WFIKKN1: variants seen among roughly 807,000 people sequenced by gnomAD.
WFIKKN1 encodes WAP, Kazal, immunoglobulin, Kunitz and NTR domain-containing protein 1.
Under a neutral mutation model 4.6 loss-of-function variants are expected in WFIKKN1, and 6 were observed. The observed-to-expected ratio is 1.31, with a 90% CI of 0.72 to 2.59. The LOEUF (loss-of-function observed/expected upper bound fraction) is 2.59. Ranked by LOEUF, WFIKKN1 falls within the 30% of genes most tolerant of loss-of-function variation. The pLI, the probability that WFIKKN1 is intolerant of heterozygous loss-of-function variation, is 0.00. For missense variants in WFIKKN1, 964 were observed against 818.0 expected (o/e 1.18, Z -2.18); for synonymous variants, 468 against 367.4 (o/e 1.27, Z -3.13).
Position 632,935 on chromosome 16 carries a change from C to A in WFIKKN1, c.525C>A (p.Ala175=). The A allele has an allele frequency of 3.9e-6, 6 of 1,558,066 alleles. No homozygotes were observed. The highest frequency in any genetic ancestry group is 4.3e-6 in the Non-Finnish European group (5 of 1,151,920). ...PSSPGPPETT[A]RPTPGAAPVP... ...GCCCGGGGCCGCCGGAGACCACTGC[C>A]CGCCCCACACCTGGGGCCGCGCCCG... Residue 175 remains alanine (A), a synonymous_variant, in exon 2 of 2, where the codon GCC becomes GCA. Coordinates refer to ENST00000319070, the MANE Select transcript of WFIKKN1 (RefSeq NM_053284.3).
At position 633,052 on chromosome 16, in the gene WFIKKN1, G is replaced by A. The variant is rs1477781150; in HGVS notation, c.642G>A (p.Pro214=). 6.8e-6 allele frequency: 11 copies of A among 1,611,858 alleles called. No homozygotes were observed. The highest frequency in any genetic ancestry group is 1.7e-5 in the Admixed American group (1 of 59,980). The change falls in exon 2 of 2, where the codon CCG becomes CCA. Residue 214 remains proline, a synonymous_variant. Coordinates refer to ENST00000319070, the MANE Select transcript of WFIKKN1 (RefSeq NM_053284.3). ...ACTGCGACGTCAGCGGCCGCCCGCC[G>A]CCTGCTGTGACCTGGGAGAAGCAGA... ...SLHCDVSGRP[P]PAVTWEKQSH... is the part of the protein sequence containing the mutation.
intron 1 of WFIKKN1, chr16:631,696 C>T (rs2036950902): frequency 3.3e-6 from 1 of 301,776 alleles, no homozygotes; most frequent in Admixed American, 5.3e-5. Context: ...CCTCTCCTCC[C>T]ACCCTCTCCT....
Position 633,165 on chromosome 16 carries a change from A to ACG in WFIKKN1, c.760_761dup (p.Pro255GlyfsTer74), listed in dbSNP as rs1368230743. The ACG allele has an allele frequency of 6.3e-7, 1 of 1,599,540 alleles. No homozygotes were observed. Among genetic ancestry groups the ACG allele is most frequent in the Non-Finnish European group, 8.5e-7 (1 of 1,171,198 alleles). On this transcript the variant is annotated frameshift_variant, in exon 2 of 2. Transcript: ENST00000319070. LOFTEE classifies it low-confidence loss of function (END_TRUNC). ...AGCATCGGGCAGCTGGTGCTCTACAACGCGCGGCCCGAAGACGCCGGCCTG... is the reference window on the plus strand; with the variant it reads ...AGCATCGGGCAGCTGGTGCTCTACAACGCGCGCGGCCCGAAGACGCCGGCCTG...
Position 633,565 on chromosome 16 carries a change from T to A in WFIKKN1, c.1155T>A (p.His385Gln). 1 of 1,556,160 alleles carries A rather than the reference T, an allele frequency of 6.4e-7. No homozygotes were observed. Among genetic ancestry groups the A allele is most frequent in the Non-Finnish European group, 8.6e-7 (1 of 1,159,102 alleles). The change falls in exon 2 of 2, where the codon CAT (histidine) becomes CAA (glutamine). Residue 385 changes from histidine to glutamine, a missense_variant. Coordinates refer to ENST00000319070, the MANE Select transcript of WFIKKN1 (RefSeq NM_053284.3). ...WAYSPLLQQC[H>Q]PFVYGGCEGN... ...ACAGCCCGCTGCTGCAGCAGTGCCATCCCTTCGTGTACGGTGGCTGCGAGG... is the reference window on the plus strand; with the variant it reads ...ACAGCCCGCTGCTGCAGCAGTGCCAACCCTTCGTGTACGGTGGCTGCGAGG...
rs138836137 is a variant in WFIKKN1 at position 631,414 on chromosome 16, G to T, written c.161G>T (p.Ser54Ile). ...CAGAGCACCTGTGAGCGCGAGTGTA[G>T]CAGGGACCAGGTGAGTGTGGTCGGG... ...DAQSTCEREC[S>I]RDQDCAAAEK... The change falls in exon 1 of 2, where the codon AGC (serine) becomes ATC (isoleucine). Residue 54 changes from serine to isoleucine, a missense_variant. Physicochemically the swap from Ser to Ile is moderately radical, Grantham distance 142. Transcript: ENST00000319070. 268 of 1,608,806 alleles carry T rather than the reference G, an allele frequency of 1.7e-4. No homozygotes were observed. In the African/African-American group the frequency reaches 3.4e-3, roughly 20 times the overall value.
chr16:633,520 C>A lies in WFIKKN1; in HGVS notation c.1110C>A (p.Gly370=), dbSNP rs1198680514. 6.0e-6 allele frequency: 9 copies of A among 1,507,122 alleles called. No individual in the cohort carries two copies. The highest frequency in any genetic ancestry group is 1.7e-4 in the Middle Eastern group (1 of 5,786). 93.4% of individuals were successfully genotyped at this position (1,507,122 alleles called of 1,614,324 possible). A position where few individuals can be genotyped will look rare whatever the true frequency, so the allele number is the denominator to read the frequency against. ...CTGCCGTGCAGGGCCCCTGCCGGGG[C>A]TGGGAGCCGCGCTGGGCCTACAGCC... ...VLPAVQGPCR[G]WEPRWAYSPL... Residue 370 remains glycine, a synonymous_variant, in exon 2 of 2, where the codon GGC becomes GGA. Coordinates refer to ENST00000319070, the MANE Select transcript of WFIKKN1 (RefSeq NM_053284.3).
Position 633,355 on chromosome 16 carries a change from C to T in WFIKKN1, c.945C>T (p.Val315=), listed in dbSNP as rs774833448. The T allele has an allele frequency of 5.4e-5, 85 of 1,575,102 alleles. No homozygotes were observed. The Admixed American group carries it at 1.2e-3, about 22-fold the overall frequency. The change falls in exon 2 of 2, where the codon GTC becomes GTT. Residue 315 remains valine, a synonymous_variant. Coordinates refer to ENST00000319070, the MANE Select transcript of WFIKKN1 (RefSeq NM_053284.3). The part of the protein sequence containing the change: ...ACTGPTSPHL[V]LWHYDPQRGG... The stretch of plus-strand genomic sequence containing the variant: ...CGGGCCCCACTTCCCCACACCTTGT[C>T]CTCTGGCACTACGACCCGCAGCGGG...
chr16:631,033 C>CGGCCTCTGAGAACTTGGAGA lies in WFIKKN1; in HGVS notation c.-220_-201dup. 1 of 568,392 alleles carries CGGCCTCTGAGAACTTGGAGA rather than the reference C, an allele frequency of 1.8e-6. No individual in the cohort carries two copies. The highest frequency in any genetic ancestry group is 3.1e-6 in the Non-Finnish European group (1 of 324,270). 35.2% of individuals were successfully genotyped at this position (568,392 alleles called of 1,614,324 possible). A position where few individuals can be genotyped will look rare whatever the true frequency, so the allele number is the denominator to read the frequency against. On this transcript the variant is annotated 5_prime_UTR_variant, in exon 1 of 2. Coordinates refer to ENST00000319070, the MANE Select transcript of WFIKKN1 (RefSeq NM_053284.3). ...TGGAGAGGAACCAGCGTCACACAGACGGCCTCTGAGAACTTGGAGACCCCG... is the reference window on the plus strand; with the variant it reads ...TGGAGAGGAACCAGCGTCACACAGACGGCCTCTGAGAACTTGGAGAGGCCTCTGAGAACTTGGAGACCCCG...
chr16:631,112 A>G lies in WFIKKN1; in HGVS notation c.-142A>G. On this transcript the variant is annotated 5_prime_UTR_variant, in exon 1 of 2. Transcript: ENST00000319070. ...AGCATCTGCTGCAGGCTTCAGCCTC[A>G]GGGGCAAAAGGGAGCCCCGGGGTCC... is the stretch of plus-strand genomic sequence containing the variant. 4 of 972,690 alleles carry G rather than the reference A, an allele frequency of 4.1e-6. No individual in the cohort carries two copies. Among genetic ancestry groups the G allele is most frequent in the South Asian group, 1.7e-5 (1 of 57,312 alleles). The allele number at this position is 972,690 out of a possible 1,614,324, so 60.3% of individuals were successfully genotyped here.
rs895303417 is a variant in WFIKKN1, at chr16:634,111, C to A, written c.*54C>A. 11 of 1,471,968 alleles carry A rather than the reference C, an allele frequency of 7.5e-6. No homozygotes were observed. The highest frequency in any genetic ancestry group is 2.4e-5 in the Admixed American group (1 of 41,114). 91.2% of individuals were successfully genotyped at this position (1,471,968 alleles called of 1,614,324 possible). On this transcript the variant is annotated 3_prime_UTR_variant, in exon 2 of 2. Coordinates refer to ENST00000319070, the MANE Select transcript of WFIKKN1 (RefSeq NM_053284.3). Reference sequence around the variant, plus strand: ...CTGGTGAATAAACGCACTCCCTGTGCCTCAGACCTCCTGGCTTGCTGCTGC... The same window carrying A: ...CTGGTGAATAAACGCACTCCCTGTGACTCAGACCTCCTGGCTTGCTGCTGC...
chr16:632,860 G>A lies in WFIKKN1; in HGVS notation c.450G>A (p.Leu150=). The part of the protein sequence containing the change: ...YMDAEACLRG[L]HLHIVPCKHV... Reference sequence around the variant, plus strand: ...ACGCCGAGGCCTGCCTGCGGGGCCTGCACCTCCACATCGTGCCCTGCAAGC... The same window carrying A: ...ACGCCGAGGCCTGCCTGCGGGGCCTACACCTCCACATCGTGCCCTGCAAGC... Residue 150 remains leucine, a synonymous_variant, in exon 2 of 2, where the codon CTG becomes CTA. Transcript: ENST00000319070. 4 of 1,574,846 alleles carry A rather than the reference G, an allele frequency of 2.5e-6. No individual in the cohort carries two copies. The highest frequency in any genetic ancestry group is 1.4e-5 in the African/African-American group (1 of 73,876).
rs1241668630 is a variant in WFIKKN1 at position 633,002 on chromosome 16, C to A, written c.592C>A (p.Gln198Lys). 6 of 1,602,334 alleles carry A rather than the reference C, an allele frequency of 3.7e-6. No individual in the cohort carries two copies. Among genetic ancestry groups the A allele is most frequent in the Non-Finnish European group, 4.3e-6 (5 of 1,173,812 alleles). Residue 198 changes from glutamine (Q) to lysine (K), a missense_variant, in exon 2 of 2, where the codon CAG becomes AAG. By Grantham distance (53) the Gln-to-Lys change is moderately conservative (BLOSUM62 1). Transcript: ENST00000319070. ...CAGCAGCCCCTCCCCACAGGCGGTGCAGGTTGGGGGTACGGCCAGCCTCCA... is the reference window on the plus strand; with the variant it reads ...CAGCAGCCCCTCCCCACAGGCGGTGAAGGTTGGGGGTACGGCCAGCCTCCA... ...LYSSPSPQAV[Q>K]VGGTASLHCD...
chr16:633,729 G>C lies in WFIKKN1; in HGVS notation c.1319G>C (p.Arg440Pro). The change falls in exon 2 of 2, where the codon CGG becomes CCG. Residue 440 changes from arginine (R) to proline (P), a missense_variant. Transcript: ENST00000319070. ...LCRSDFAIVG[R>P]LTEVLEEPEA... ...CGCAGCGACTTCGCCATCGTGGGGC[G>C]GCTCACGGAGGTGCTGGAGGAGCCC... The C allele has an allele frequency of 4.4e-6, 7 of 1,587,966 alleles. No individual in the cohort carries two copies. Among genetic ancestry groups the C allele is most frequent in the Non-Finnish European group, 6.0e-6 (7 of 1,167,600 alleles).
At position 632,754 on chromosome 16, in the gene WFIKKN1, G is replaced by T; in HGVS notation, c.344G>T (p.Arg115Leu). Reference protein sequence around the residue: ...CDIWDGQPVCRCRDRCEKEPS... With the variant: ...CDIWDGQPVCLCRDRCEKEPS... Reference sequence around the variant, plus strand: ...ATCTGGGACGGGCAGCCCGTGTGCCGCTGCCGCGACCGCTGTGAGAAGGAG... The same window carrying T: ...ATCTGGGACGGGCAGCCCGTGTGCCTCTGCCGCGACCGCTGTGAGAAGGAG... The change falls in exon 2 of 2, where the codon CGC becomes CTC. Residue 115 changes from arginine (R) to leucine (L), a missense_variant. By Grantham distance (102) the Arg-to-Leu change is moderately radical. Coordinates refer to ENST00000319070, the MANE Select transcript of WFIKKN1 (RefSeq NM_053284.3). The T allele has an allele frequency of 6.2e-7, 1 of 1,608,810 alleles. No individual in the cohort carries two copies. Among genetic ancestry groups the T allele is most frequent in the Admixed American group, 1.7e-5 (1 of 59,544 alleles).
chr16:632,679 C>A lies in WFIKKN1; in HGVS notation c.269C>A (p.Ala90Glu). ...GGCAGCCCAGCTGCGCCGACGACAG[C>A]GGCCTCCTGCGAGGGCTTTGTGTGC... ...FPGSPAAPTT[A>E]ASCEGFVCPQ... Residue 90 changes from alanine to glutamate, a missense_variant, in exon 2 of 2, where the codon GCG (alanine) becomes GAG (glutamate). Coordinates refer to ENST00000319070, the MANE Select transcript of WFIKKN1 (RefSeq NM_053284.3). The A allele has an allele frequency of 1.2e-6, 2 of 1,605,972 alleles. No homozygotes were observed. Among genetic ancestry groups the A allele is most frequent in the Non-Finnish European group, 1.7e-6 (2 of 1,176,406 alleles).
rs756002145 is a variant in WFIKKN1, at chr16:633,894, C to T, written c.1484C>T (p.Thr495Met). ...TGGGCCTGCCCCTGCCCCAACATGA[C>T]GGCGGGCGACGGGCCGCTGGTCATC... ...MDWACPCPNMTAGDGPLVIMG... is the reference protein window; with the variant it reads ...MDWACPCPNMMAGDGPLVIMG... Residue 495 changes from threonine to methionine, a missense_variant, in exon 2 of 2, where the codon ACG (threonine) becomes ATG (methionine). Physicochemically the swap from Thr to Met is moderately conservative, Grantham distance 81. Transcript: ENST00000319070. 6.9e-6 allele frequency: 11 copies of T among 1,591,986 alleles called. No individual in the cohort carries two copies. Among genetic ancestry groups the T allele is most frequent in the African/African-American group, 1.3e-5 (1 of 74,428 alleles).
At position 633,586 on chromosome 16, in the gene WFIKKN1, C is replaced by T. The variant is rs555481593; in HGVS notation, c.1176C>T (p.Cys392=). The T allele has an allele frequency of 4.3e-5, 67 of 1,568,912 alleles. No individual in the cohort carries two copies. The highest frequency in any genetic ancestry group is 5.2e-5 in the Non-Finnish European group (60 of 1,164,368). Residue 392 remains cysteine, a synonymous_variant, in exon 2 of 2, where the codon TGC becomes TGT. Coordinates refer to ENST00000319070, the MANE Select transcript of WFIKKN1 (RefSeq NM_053284.3). The stretch of plus-strand genomic sequence containing the variant: ...GCCATCCCTTCGTGTACGGTGGCTG[C>T]GAGGGCAACGGCAACAACTTCCACA... ...QQCHPFVYGG[C]EGNGNNFHSR...
Position 633,141 on chromosome 16 carries a change from G to C in WFIKKN1, c.731G>C (p.Ser244Thr). 1 of 1,605,770 alleles carries C rather than the reference G, an allele frequency of 6.2e-7. No individual in the cohort carries two copies. The highest frequency in any genetic ancestry group is 8.5e-7 in the Non-Finnish European group (1 of 1,175,096). ...DQMYGNVVVT[S>T]IGQLVLYNAR... The stretch of plus-strand genomic sequence containing the variant: ...ATGTATGGCAACGTGGTGGTCACCA[G>C]CATCGGGCAGCTGGTGCTCTACAAC... The change falls in exon 2 of 2, where the codon AGC becomes ACC. Residue 244 changes from serine (S) to threonine (T), a missense_variant. By Grantham distance (58) the Ser-to-Thr change is moderately conservative. Transcript: ENST00000319070.
At chr16:631,591 GAA>G (rs2036949202) in intron 1 of WFIKKN1, 167 bp downstream of exon 1, 1 of 522,936 alleles carries the variant, frequency 1.9e-6, no homozygotes, top group Non-Finnish European at 2.8e-6. Context: ...TTTGTCTTAA[GAA>G]TAAGAGCCCT....
Sources: allele counts gnomAD v4.1 joint callset, GRCh38; gene constraint gnomAD v4.1.1; transcripts MANE v1.5; gene names NCBI Gene and HGNC (gene_info 2026-07-23, HGNC 2026-07-21).